The following LAPTM4B variants were observed in gnomAD, a reference collection of about 807,000 sequenced individuals.
LAPTM4B encodes the protein lysosomal protein transmembrane 4 beta, also known as lysosomal-associated transmembrane protein 4B.
Under a neutral mutation model 28.5 loss-of-function variants are expected in LAPTM4B, and 26 were observed. The ratio of observed to expected loss-of-function variants is 0.91; its 90% confidence interval spans 0.67 to 1.27. LAPTM4B has a LOEUF of 1.27. LAPTM4B is among the 50% of genes most tolerant of loss of function. The pLI is 0.00. For missense variants in LAPTM4B, 288 were observed against 285.8 expected (o/e 1.01, Z -0.06); for synonymous variants, 109 against 106.4 (o/e 1.02, Z -0.15).
At chr8:97,794,463 G>A (rs1816551045) in intron 1 of LAPTM4B, among the ~76,000 whole-genome samples, 1 of 151,968 alleles carries the variant, frequency 6.6e-6, no homozygotes, top group East Asian at 1.9e-4. Flanking sequence ...TCAGAATGTT[G>A]GGCACATAGT....
intron 5 of LAPTM4B, among the ~76,000 whole-genome samples, chr8:97,822,844 TTA>T (rs1491068650): frequency 1.7e-4 from 26 of 149,200 alleles, no homozygotes; most frequent in African/African-American, 6.1e-4. Flanking sequence ...GTTATTTTTT[TTA>T]TTTATTTTTT....
intron 6 of LAPTM4B, among the ~76,000 whole-genome samples, chr8:97,850,819 G>A (rs1352926522): frequency 1.3e-5 from 2 of 148,420 alleles, no homozygotes; most frequent in Admixed American, 6.8e-5. Context: ...TGAATGAAGG[G>A]TGATATAACT....
chr8:97,780,995 AT>A (rs546330980), intron 1 of LAPTM4B, among the ~76,000 whole-genome samples: 9,076 of 145,918 alleles, frequency 0.062, 386 homozygotes, highest in Admixed American at 0.11. Flanking sequence ...ATGTACTACA[AT>A]TTTTTTTTTT....
intron 1 of LAPTM4B, among the ~76,000 whole-genome samples, chr8:97,797,295 C>T (rs892281930): frequency 1.3e-5 from 2 of 151,996 alleles, no homozygotes; most frequent in Admixed American, 6.6e-5. Flanking sequence ...CCACCACGCA[C>T]GGCTAATTTT....
intron 4 of LAPTM4B, 113 bp downstream of exon 4, chr8:97,816,293 G>T: frequency 9.4e-7 from 1 of 1,066,172 alleles, no homozygotes; most frequent in Non-Finnish European, 1.3e-6. Flanking sequence ...TTAGCTTGCA[G>T]CTGAGTTACT....
rs1465086511 is a variant in LAPTM4B, at chr8:97,841,668, G to T, written c.604-9729G>T. Among the ~76,000 whole-genome samples the T allele has an allele frequency of 5.9e-5, 9 of 152,230 alleles. No homozygotes were observed. The East Asian group carries it at 1.7e-3, about 29-fold the overall frequency. On this transcript the variant is annotated intron_variant, in intron 6 of 6. Transcript: ENST00000521545. ...CCAGACTTTGTATTTCTGATTATTCGATCCCAAATGCCCAAATAACTCTGT... is the reference window on the plus strand; with the variant it reads ...CCAGACTTTGTATTTCTGATTATTCTATCCCAAATGCCCAAATAACTCTGT...
chr8:97,812,171 G>A (rs1322070355), intron 2 of LAPTM4B, among the ~76,000 whole-genome samples: 1 of 148,062 alleles, frequency 6.8e-6, no homozygotes, highest in East Asian at 2.0e-4. Flanking sequence ...TCTACATCTT[G>A]ACTTTTTTTT....
chr8:97,810,568 C>T (rs1816811502), intron 2 of LAPTM4B, among the ~76,000 whole-genome samples: 1 of 152,184 alleles, frequency 6.6e-6, no homozygotes, highest in Non-Finnish European at 1.5e-5. Context: ...GTTCAGTCCA[C>T]TGACCTAGAA....
chr8:97,803,441 A>G (rs756635429), intron 1 of LAPTM4B, among the ~76,000 whole-genome samples: 5 of 151,210 alleles, frequency 3.3e-5, no homozygotes, highest in Admixed American at 6.6e-5. Context: ...ACCATGCCCA[A>G]CTAATTTGCA....
chr8:97,828,158 T>C (rs532808442), intron 6 of LAPTM4B, among the ~76,000 whole-genome samples: 19 of 152,128 alleles, frequency 1.2e-4, no homozygotes, highest in African/African-American at 3.9e-4. Context: ...AAAACAAAAA[T>C]GAGAAAGAGT....
chr8:97,832,518 C>T (rs1275534671), intron 6 of LAPTM4B, among the ~76,000 whole-genome samples: 3 of 151,962 alleles, frequency 2.0e-5, no homozygotes, highest in Non-Finnish European at 4.4e-5. Flanking sequence ...TCCCAATGAG[C>T]CATTTTTTAA....
rs181457566 is a variant in LAPTM4B at position 97,804,578 on chromosome 8, C to T, written c.100-775C>T. 1.3e-3 allele frequency among the ~76,000 whole-genome samples: 204 copies of T among 152,240 alleles called. 4 individuals carry two copies. Among genetic ancestry groups the T allele is most frequent in the East Asian group, 4.2e-3 (22 of 5,184 alleles). On this transcript the variant is annotated intron_variant, in intron 1 of 6. Transcript: ENST00000521545. Reference sequence around the variant, plus strand: ...TATAACATGGGAATAATTTAGTACCCACTTCGTTAGGTTATTGCAGGGCTT... The same window carrying T: ...TATAACATGGGAATAATTTAGTACCTACTTCGTTAGGTTATTGCAGGGCTT...
chr8:97,796,333 A>G (rs1586324216), intron 1 of LAPTM4B, among the ~76,000 whole-genome samples: 1 of 152,228 alleles, frequency 6.6e-6, no homozygotes, highest in South Asian at 2.1e-4. Context: ...CCTGGACTCA[A>G]GCAGTCATCC....
intron 5 of LAPTM4B, among the ~76,000 whole-genome samples, chr8:97,820,101 T>C (rs35974697): frequency 0.46 from 69,093 of 151,450 alleles, 16,082 homozygotes; most frequent in East Asian, 0.57. Context: ...CAAATTGATG[T>C]CCCCCAAAGT....
Position 97,850,306 on chromosome 8 carries a change from C to T in LAPTM4B, c.604-1091C>T, listed in dbSNP as rs1019200102. Among the ~76,000 whole-genome samples the T allele has an allele frequency of 4.6e-5, 7 of 151,920 alleles. No homozygotes were observed. In the East Asian group the frequency reaches 9.6e-4, roughly 21 times the overall value. ...GGAACCATACAGGCTTTTCGGGGGC[C>T]GGCCTAAGTGGCACCTCCGTCACTC... is the stretch of plus-strand genomic sequence containing the variant. On this transcript the variant is annotated intron_variant, in intron 6 of 6. Transcript: ENST00000521545.
chr8:97,776,872 A>G (rs781285386), intron 1 of LAPTM4B, among the ~76,000 whole-genome samples: 1 of 151,918 alleles, frequency 6.6e-6, no homozygotes, highest in African/African-American at 2.4e-5. Flanking sequence ...CCTGGTTGGA[A>G]CTTTTGAAGT....
intron 4 of LAPTM4B, among the ~76,000 whole-genome samples, chr8:97,817,944 G>A (rs932838315): frequency 6.6e-6 from 1 of 151,380 alleles, no homozygotes; most frequent in African/African-American, 2.4e-5. Context: ...CTCCCAAGTA[G>A]TTTGGACTAC....
Position 97,851,694 on chromosome 8 carries a change from G to A in LAPTM4B, c.*220G>A. The A allele has an allele frequency of 3.5e-6, 2 of 573,210 alleles. No homozygotes were observed. Among genetic ancestry groups the A allele is most frequent in the East Asian group, 2.9e-5 (1 of 34,402 alleles). 35.5% of individuals were successfully genotyped at this position (573,210 alleles called of 1,614,324 possible). A position where few individuals can be genotyped will look rare whatever the true frequency, so the allele number is the denominator to read the frequency against. On this transcript the variant is annotated 3_prime_UTR_variant, in exon 7 of 7. Coordinates refer to ENST00000521545, the MANE Select transcript of LAPTM4B (RefSeq NM_018407.6). ...TGTAGAATTCTTCCTGTACGATTGG[G>A]GATATAATGGGCTTCACTAACCTTC...
At chr8:97,781,629 A>T (rs559625978) in intron 1 of LAPTM4B, among the ~76,000 whole-genome samples, 19 of 152,300 alleles carry the variant, frequency 1.2e-4, no homozygotes, top group African/African-American at 3.4e-4. Flanking sequence ...TCTGTAATGT[A>T]ACCCACATTC....
Sources: allele counts gnomAD v4.1 joint callset (sites outside exome capture counted in the v4.1 genomes callset), GRCh38; gene constraint gnomAD v4.1.1; transcripts MANE v1.5; gene names NCBI Gene and HGNC (gene_info 2026-07-23, HGNC 2026-07-21).